The following ATRNL1 variants were observed in gnomAD, a reference collection of about 807,000 sequenced individuals.
The protein encoded by ATRNL1 is attractin like 1.
A neutral mutation model predicts 182.7 loss-of-function variants in ATRNL1; 95 were observed. The observed-to-expected ratio is 0.52, with a 90% confidence interval of 0.44 to 0.62. ATRNL1 has a LOEUF of 0.62. Among genes scored for constraint, ATRNL1 ranks in the 20% least tolerant of loss-of-function variants. The probability of loss-of-function intolerance (pLI) is 0.00; values close to 1 mark genes in which losing one functional copy is unlikely to be tolerated. For synonymous variants in ATRNL1, 576 were observed against 568.3 expected (o/e 1.01, Z -0.19); for missense variants, 1,471 against 1,679.5 (o/e 0.88, Z 2.17).
chr10:115,557,620 T>C (rs1853388705), intron 26 of ATRNL1, among the ~76,000 whole-genome samples: 1 of 152,190 alleles, frequency 6.6e-6, no homozygotes, highest in Admixed American at 6.5e-5. Context: ...TTTAGTGGAC[T>C]GATGGATGCA....
At chr10:115,515,874 C>T (rs538369635) in intron 24 of ATRNL1, among the ~76,000 whole-genome samples, 2 of 151,988 alleles carry the variant, frequency 1.3e-5, no homozygotes, top group South Asian at 2.1e-4. Flanking sequence ...TTTCTTCTTG[C>T]AACATTTCTG....
chr10:115,360,662 T>TAAA (rs1174656235), intron 19 of ATRNL1, among the ~76,000 whole-genome samples: 1 of 149,862 alleles, frequency 6.7e-6, no homozygotes, highest in African/African-American at 2.4e-5. Context: ...CTTTTTTTTT[T>TAAA]AAAAAAAAAT....
chr10:115,289,435 T>A (rs782561950), intron 15 of ATRNL1, among the ~76,000 whole-genome samples: 1 of 152,326 alleles, frequency 6.6e-6, no homozygotes, highest in Non-Finnish European at 1.5e-5. Context: ...GCTTTTGAGG[T>A]CTTGTTCATA....
At chr10:115,602,028 C>G (rs1856624675) in intron 26 of ATRNL1, among the ~76,000 whole-genome samples, 1 of 150,318 alleles carries the variant, frequency 6.7e-6, no homozygotes, top group South Asian at 2.1e-4. Flanking sequence ...GACAATGGCT[C>G]TAGAGTTTAC....
chr10:115,504,751 C>A (rs999704379), intron 24 of ATRNL1, among the ~76,000 whole-genome samples: 1 of 151,826 alleles, frequency 6.6e-6, no homozygotes, highest in African/African-American at 2.4e-5. Flanking sequence ...ATTTGACTAG[C>A]CTTTTCTTTT....
At chr10:115,264,981 G>A (rs1851546251) in intron 10 of ATRNL1, among the ~76,000 whole-genome samples, 1 of 151,376 alleles carries the variant, frequency 6.6e-6, no homozygotes. Context: ...AATTATTTGT[G>A]AGAATTCTAG....
At chr10:115,713,261 T>A (rs1247914072) in intron 26 of ATRNL1, among the ~76,000 whole-genome samples, 3 of 152,208 alleles carry the variant, frequency 2.0e-5, no homozygotes, top group African/African-American at 7.2e-5. Flanking sequence ...ATTTTTAAAT[T>A]CAACAAATAT....
intron 26 of ATRNL1, among the ~76,000 whole-genome samples, chr10:115,621,315 T>TGAGA (rs1347324012): frequency 8.9e-5 from 8 of 90,054 alleles, no homozygotes; most frequent in African/African-American, 3.2e-4. Context: ...AGAGAGAGAG[T>TGAGA]GTGTGAGTGA....
chr10:115,500,685 G>C (rs1268763628), intron 24 of ATRNL1, among the ~76,000 whole-genome samples: 1 of 151,344 alleles, frequency 6.6e-6, no homozygotes, highest in Admixed American at 6.6e-5. Context: ...GGGATTATAG[G>C]CATGTGCCAC....
intron 26 of ATRNL1, among the ~76,000 whole-genome samples, chr10:115,656,261 A>G (rs782613868): frequency 7.2e-5 from 11 of 152,176 alleles, no homozygotes; most frequent in African/African-American, 7.2e-5. Context: ...TCCTTAAATC[A>G]CTTCTTTTCA....
At chr10:115,599,689 A>G (rs1856479671) in intron 26 of ATRNL1, among the ~76,000 whole-genome samples, 1 of 152,166 alleles carries the variant, frequency 6.6e-6, no homozygotes, top group Non-Finnish European at 1.5e-5. Flanking sequence ...AGGCAAATGG[A>G]AATTTGGAAT....
intron 28 of ATRNL1, among the ~76,000 whole-genome samples, chr10:115,868,808 G>A (rs1342345655): frequency 6.8e-6 from 1 of 147,932 alleles, no homozygotes; most frequent in Non-Finnish European, 1.5e-5. Flanking sequence ...TATATCTGGT[G>A]GCAAGTCTTT....
At chr10:115,524,280 C>T (rs1851099249) in intron 25 of ATRNL1, among the ~76,000 whole-genome samples, 1 of 152,162 alleles carries the variant, frequency 6.6e-6, no homozygotes, top group Non-Finnish European at 1.5e-5. Flanking sequence ...AATATCCAAA[C>T]TATAGCAGTC....
chr10:115,317,135 G>A (rs1329317557), intron 18 of ATRNL1, among the ~76,000 whole-genome samples: 1 of 152,038 alleles, frequency 6.6e-6, no homozygotes, highest in Non-Finnish European at 1.5e-5. Context: ...TCTGCATATG[G>A]CTAGCCAGTT....
At chr10:115,459,271 G>T (rs1288799646) in intron 21 of ATRNL1, among the ~76,000 whole-genome samples, 1 of 152,152 alleles carries the variant, frequency 6.6e-6, no homozygotes, top group African/African-American at 2.4e-5. Context: ...AACAGCAATT[G>T]TTCAGGGAAT....
chr10:115,687,765 T>C (rs1275293163), intron 26 of ATRNL1, among the ~76,000 whole-genome samples: 2 of 152,078 alleles, frequency 1.3e-5, no homozygotes, highest in Admixed American at 6.6e-5. Context: ...TTCAGGGTAA[T>C]TGGAGTATCA....
At chr10:115,654,086 A>T (rs1279518903) in intron 26 of ATRNL1, among the ~76,000 whole-genome samples, 4 of 152,168 alleles carry the variant, frequency 2.6e-5, no homozygotes, top group Non-Finnish European at 5.9e-5. Context: ...AGTCTGAAAT[A>T]TATATTGAAA....
At chr10:115,772,469 A>G (rs1018448704) in intron 27 of ATRNL1, among the ~76,000 whole-genome samples, 1 of 152,142 alleles carries the variant, frequency 6.6e-6, no homozygotes, top group African/African-American at 2.4e-5. Context: ...TCAAAAATGA[A>G]AAAGATTTTA....
chr10:115,544,482 G>A (rs1554993032), intron 25 of ATRNL1, among the ~76,000 whole-genome samples: 2 of 152,180 alleles, frequency 1.3e-5, no homozygotes, highest in South Asian at 4.1e-4. Context: ...AATCATGGTA[G>A]AAGGTGAAGG....
Sources: gnomAD v4.1 joint callset for allele counts (sites outside exome capture counted in the v4.1 genomes callset) on GRCh38, gnomAD v4.1.1 for gene constraint, MANE v1.5 for transcripts, NCBI Gene and HGNC (gene_info 2026-07-23, HGNC 2026-07-21) for gene names.